Variants in IL31RA observed in about 807,000 individuals in gnomAD.
IL31RA encodes the protein interleukin-31 receptor subunit alpha.
In IL31RA, 66 loss-of-function variants were observed where a neutral mutation model predicts 83.7. The ratio of observed to expected loss-of-function variants is 0.79; its 90% confidence interval spans 0.65 to 0.97. IL31RA has a LOEUF of 0.97. Among genes scored for constraint, IL31RA ranks in the 50% least tolerant of loss-of-function variants. IL31RA has a pLI of 0.00. For synonymous variants in IL31RA, 325 were observed against 329.0 expected (o/e 0.99, Z 0.13); for missense variants, 798 against 919.4 (o/e 0.87, Z 1.71).
the IL31RA span, among the ~76,000 whole-genome samples, chr5:55,841,073 G>A: frequency 2.0e-5 from 3 of 152,248 alleles, no homozygotes; most frequent in African/African-American, 7.2e-5. Context: ...ACTCCATGGG[G>A]GGATGTAAAT....
At chr5:55,900,166 T>C (rs763249326) in intron 8 of IL31RA, 34 bp downstream of exon 8, 1 of 1,482,968 alleles carries the variant, frequency 6.7e-7, no homozygotes, top group Admixed American at 1.7e-5. Flanking sequence ...CTTAGGTGCC[T>C]GGTCCCATCA....
chr5:55,916,050 G>A (rs1017551949), intron 14 of IL31RA, among the ~76,000 whole-genome samples: 7 of 152,202 alleles, frequency 4.6e-5, no homozygotes, highest in African/African-American at 1.7e-4. Flanking sequence ...ACATGGGATT[G>A]TGTGGAAAAT....
chr5:55,913,785 T>C (rs1366633119), intron 13 of IL31RA, among the ~76,000 whole-genome samples: 1 of 152,242 alleles, frequency 6.6e-6, no homozygotes, highest in African/African-American at 2.4e-5. Flanking sequence ...CAGAGCTCCA[T>C]GCCCAGGTCT....
chr5:55,869,943 TCCA>T (rs1213769485), intron 3 of IL31RA, among the ~76,000 whole-genome samples: 2 of 152,122 alleles, frequency 1.3e-5, no homozygotes, highest in Non-Finnish European at 2.9e-5. Context: ...GCAAGGGAAG[TCCA>T]CTTTATGTTT....
At position 55,919,757 on chromosome 5, in the gene IL31RA, T is replaced by C. The variant is rs980559959; in HGVS notation, c.*2637T>C. Among the ~76,000 whole-genome samples the C allele has an allele frequency of 2.6e-5, 4 of 152,084 alleles. No individual in the cohort carries two copies. Among genetic ancestry groups the C allele is most frequent in the Non-Finnish European group, 5.9e-5 (4 of 68,018 alleles). Reference sequence around the variant, plus strand: ...AGGCACTGGTGGGCCACACCTTAGCTCTCCTGAGCAGGTTCACAGGATGTG... The same window carrying C: ...AGGCACTGGTGGGCCACACCTTAGCCCTCCTGAGCAGGTTCACAGGATGTG... On this transcript the variant is annotated 3_prime_UTR_variant, in exon 15 of 15. Transcript: ENST00000652347.
chr5:55,877,033 G>C (rs2112407900), intron 4 of IL31RA, among the ~76,000 whole-genome samples: 1 of 151,884 alleles, frequency 6.6e-6, no homozygotes, highest in African/African-American at 2.4e-5. Flanking sequence ...ATATTTTATA[G>C]CTTTTTTATC....
chr5:55,896,487 C>T (rs1748348321), intron 7 of IL31RA, 58 bp downstream of exon 7: 1 of 941,612 alleles, frequency 1.1e-6, no homozygotes, highest in South Asian at 1.3e-5. Context: ...CCTTTCCCTC[C>T]CTTCCCTCCC....
chr5:55,852,671 A>G (rs916829100), intron 1 of IL31RA, among the ~76,000 whole-genome samples: 3 of 152,134 alleles, frequency 2.0e-5, no homozygotes, highest in Non-Finnish European at 2.9e-5. Context: ...TCCCCGGTCT[A>G]TTTATTTCTC....
intron 5 of IL31RA, among the ~76,000 whole-genome samples, chr5:55,885,408 A>G (rs1196349054): frequency 1.3e-5 from 2 of 152,176 alleles, no homozygotes; most frequent in African/African-American, 4.8e-5. Flanking sequence ...AAGAGAAAAA[A>G]ATTCTCAGCA....
At chr5:55,858,040 GT>G (rs1002537855) in intron 1 of IL31RA, among the ~76,000 whole-genome samples, 15 of 148,144 alleles carry the variant, frequency 1.0e-4, no homozygotes, top group Admixed American at 9.5e-4. Flanking sequence ...TTTTTCTAAG[GT>G]TTTTTTTTTA....
intron 13 of IL31RA, 79 bp from the exon 14 acceptor site, chr5:55,914,768 C>A: frequency 9.9e-7 from 1 of 1,011,868 alleles, no homozygotes; most frequent in Non-Finnish European, 1.6e-6. Context: ...TTTAGCACAG[C>A]CTCACTCTTT....
intron 12 of IL31RA, among the ~76,000 whole-genome samples, chr5:55,912,945 C>T (rs911622910): frequency 1.3e-5 from 2 of 151,546 alleles, no homozygotes; most frequent in Non-Finnish European, 2.9e-5. Flanking sequence ...CCAGCCTGGG[C>T]GACAGAGCAA....
chr5:55,867,199 T>G (rs200073091), intron 2 of IL31RA, among the ~76,000 whole-genome samples: 51 of 106,612 alleles, frequency 4.8e-4, no homozygotes, highest in South Asian at 5.8e-4. Flanking sequence ...TTGTGTGTGT[T>G]TGTGTGTGTG....
chr5:55,856,704 G>A (rs770431137), intron 1 of IL31RA, among the ~76,000 whole-genome samples: 5 of 152,164 alleles, frequency 3.3e-5, no homozygotes, highest in South Asian at 2.1e-4. Context: ...CTTTCATCAG[G>A]TTCATGGTGA....
the IL31RA span, among the ~76,000 whole-genome samples, chr5:55,841,958 T>A: frequency 3.3e-4 from 48 of 146,318 alleles, no homozygotes; most frequent in South Asian, 1.1e-3. Context: ...AAAAAAAAAT[T>A]TTTTTAAGAG....
chr5:55,896,561 C>CTCCCCTCCCCTCCCT, intron 7 of IL31RA, 132 bp downstream of exon 7: 4 of 515,640 alleles, frequency 7.8e-6, no homozygotes, highest in Non-Finnish European at 1.4e-5. Flanking sequence ...CTCCCCTCCC[C>CTCCCCTCCCCTCCCT]TCCCCTCCCC....
chr5:55,891,905 T>C (rs1428056495), intron 6 of IL31RA, among the ~76,000 whole-genome samples: 4 of 150,726 alleles, frequency 2.7e-5, no homozygotes, highest in African/African-American at 9.8e-5. Flanking sequence ...CCTCCCGAGT[T>C]GCTGGGACTA....
chr5:55,850,125 T>G (rs1223409979), upstream of IL31RA, among the ~76,000 whole-genome samples: 1 of 152,190 alleles, frequency 6.6e-6, no homozygotes, highest in East Asian at 1.9e-4. Flanking sequence ...GTGACTTATT[T>G]TTTTCCTATC....
chr5:55,899,117 T>G (rs897409930), intron 7 of IL31RA, among the ~76,000 whole-genome samples: 4 of 152,168 alleles, frequency 2.6e-5, no homozygotes, highest in Non-Finnish European at 1.5e-5. Context: ...TGACCTTTTA[T>G]GCCTAGACAT....
Sources: gnomAD v4.1 joint callset for allele counts (sites outside exome capture counted in the v4.1 genomes callset) on GRCh38, gnomAD v4.1.1 for gene constraint, MANE v1.5 for transcripts, NCBI Gene and HGNC (gene_info 2026-07-23, HGNC 2026-07-21) for gene names.